The following DAB1 variants were observed in gnomAD, a reference collection of about 807,000 sequenced individuals.
DAB1 encodes the protein disabled homolog 1.
DAB1 carries 15 observed loss-of-function variants against 64.6 expected under a neutral mutation model. The ratio of observed to expected loss-of-function variants is 0.23; its 90% CI spans 0.16 to 0.36. DAB1 has a LOEUF of 0.36. DAB1 is among the 10% of genes least tolerant of loss of function. DAB1 has a pLI of 1.00. For missense variants in DAB1, 596 were observed against 706.7 expected, an observed-to-expected ratio of 0.84 and a Z score of 1.78; for synonymous variants, 235 against 251.9, an observed-to-expected ratio of 0.93 and a Z score of 0.64.
At chr1:57,796,862 A>T (rs918784873) in intron 6 of DAB1, among the ~76,000 whole-genome samples, 4 of 152,006 alleles carry the variant, frequency 2.6e-5, no homozygotes, top group Admixed American at 2.0e-4. Flanking sequence ...AGATCCCCAC[A>T]TCTGCGTCAT....
intron 7 of DAB1, among the ~76,000 whole-genome samples, chr1:57,551,048 G>A (rs1169316956): frequency 2.0e-5 from 3 of 152,190 alleles, no homozygotes; most frequent in South Asian, 4.1e-4. Context: ...ATTACACCAA[G>A]TAGTGAAATC....
intron 6 of DAB1, among the ~76,000 whole-genome samples, chr1:57,651,122 G>A (rs1193506320): frequency 6.6e-6 from 1 of 151,962 alleles, no homozygotes; most frequent in Non-Finnish European, 1.5e-5. Context: ...ATGGAAAGCA[G>A]GGAGGCAGCA....
intron 6 of DAB1, among the ~76,000 whole-genome samples, chr1:57,653,821 A>G (rs1045145188): frequency 1.3e-5 from 2 of 152,150 alleles, no homozygotes; most frequent in African/African-American, 4.8e-5. Context: ...CATGTTGGCC[A>G]GGCTGGTCTC....
intron 1 of DAB1, among the ~76,000 whole-genome samples, chr1:57,310,816 A>T (rs554582393): frequency 6.6e-6 from 1 of 152,254 alleles, no homozygotes; most frequent in Non-Finnish European, 1.5e-5. Context: ...AGATGCAGAG[A>T]GTTAAAGTTC....
chr1:57,978,107 A>G (rs1273960335), intron 5 of DAB1, among the ~76,000 whole-genome samples: 1 of 152,228 alleles, frequency 6.6e-6, no homozygotes, highest in African/African-American at 2.4e-5. Context: ...TGCATAGCCA[A>G]GAAAATCCTG....
intron 7 of DAB1, among the ~76,000 whole-genome samples, chr1:57,541,876 G>A (rs1282496815): frequency 6.6e-6 from 1 of 152,112 alleles, no homozygotes; most frequent in African/African-American, 2.4e-5. Flanking sequence ...GAGAAATAAA[G>A]TCACTTTCCT....
At chr1:58,114,487 C>A (rs545167267) in intron 5 of DAB1, among the ~76,000 whole-genome samples, 14 of 152,284 alleles carry the variant, frequency 9.2e-5, no homozygotes, top group African/African-American at 3.1e-4. Context: ...GCCAGGACAT[C>A]CCTAACATGG....
At chr1:57,477,617 G>C (rs899694613) in intron 7 of DAB1, among the ~76,000 whole-genome samples, 2 of 152,110 alleles carry the variant, frequency 1.3e-5, no homozygotes, top group African/African-American at 4.8e-5. Context: ...GAAAGTCAGG[G>C]CTCTTATCAT....
intron 4 of DAB1, among the ~76,000 whole-genome samples, chr1:58,240,200 T>A (rs1660227449): frequency 6.6e-6 from 1 of 152,220 alleles, no homozygotes; most frequent in South Asian, 2.1e-4. Context: ...CCATCCAGAA[T>A]AAGTACAATA....
intron 3 of DAB1, among the ~76,000 whole-genome samples, chr1:58,388,786 G>A (rs533353287): frequency 2.1e-4 from 32 of 152,206 alleles, no homozygotes; most frequent in African/African-American, 7.0e-4. Context: ...TTTTACCCTC[G>A]GAGTCATTAA....
At chr1:58,329,015 G>A (rs1662911939) in intron 4 of DAB1, among the ~76,000 whole-genome samples, 1 of 152,162 alleles carries the variant, frequency 6.6e-6, no homozygotes, top group Admixed American at 6.5e-5. Context: ...AAGTAGTGTT[G>A]TATGTGCTTG....
chr1:57,780,424 T>G (rs765858711), intron 6 of DAB1, among the ~76,000 whole-genome samples: 2 of 152,282 alleles, frequency 1.3e-5, no homozygotes, highest in African/African-American at 4.8e-5. Flanking sequence ...AGAGGGCTGT[T>G]GTCTTGGGAA....
intron 4 of DAB1, among the ~76,000 whole-genome samples, chr1:58,266,225 A>C (rs1661159389): frequency 6.6e-6 from 1 of 152,218 alleles, no homozygotes; most frequent in Non-Finnish European, 1.5e-5. Flanking sequence ...AATACGGCCT[A>C]GCATCCTACC....
At chr1:57,919,229 A>T (rs912499678) in intron 5 of DAB1, among the ~76,000 whole-genome samples, 1 of 152,174 alleles carries the variant, frequency 6.6e-6, no homozygotes, top group Non-Finnish European at 1.5e-5. Flanking sequence ...TAATACACCT[A>T]ACACAGATAG....
intron 2 of DAB1, among the ~76,000 whole-genome samples, chr1:57,287,542 G>A (rs1672416152): frequency 6.6e-6 from 1 of 152,162 alleles, no homozygotes; most frequent in Admixed American, 6.5e-5. Flanking sequence ...TTATTTGCAG[G>A]TTATATGCTG....
intron 7 of DAB1, among the ~76,000 whole-genome samples, chr1:57,432,734 G>A (rs1037130661): frequency 6.6e-6 from 1 of 152,126 alleles, no homozygotes; most frequent in Non-Finnish European, 1.5e-5. Context: ...AATTCAAGTT[G>A]TTGGATTTCT....
At chr1:57,067,223 C>A (rs993129234) in intron 8 of DAB1, among the ~76,000 whole-genome samples, 9 of 152,116 alleles carry the variant, frequency 5.9e-5, no homozygotes, top group Non-Finnish European at 1.3e-4. Context: ...ATGGGAAGAT[C>A]TAGAGGTCAG....
intron 6 of DAB1, among the ~76,000 whole-genome samples, chr1:57,774,082 A>T (rs1485320612): frequency 6.6e-6 from 1 of 151,854 alleles, no homozygotes; most frequent in Non-Finnish European, 1.5e-5. Flanking sequence ...TCATGAGTTA[A>T]TCTGGGGAAA....
At chr1:58,450,679 G>C (rs1462054610) in intron 3 of DAB1, among the ~76,000 whole-genome samples, 5 of 152,164 alleles carry the variant, frequency 3.3e-5, no homozygotes, top group Admixed American at 2.6e-4. Flanking sequence ...GCGTGAACCC[G>C]GGAGGCGGAG....
Sources: allele counts gnomAD v4.1 joint callset (sites outside exome capture counted in the v4.1 genomes callset), GRCh38; gene constraint gnomAD v4.1.1; transcripts MANE v1.5; gene names NCBI Gene and HGNC (gene_info 2026-07-23, HGNC 2026-07-21).